CTBP1: variants seen among roughly 807,000 people sequenced by gnomAD.
CTBP1 encodes the protein C-terminal-binding protein 1.
A neutral mutation model predicts 42.1 loss-of-function variants in CTBP1; 11 were observed. That is an observed-to-expected ratio of 0.26 (90% CI 0.16 to 0.43). The LOEUF (loss-of-function observed/expected upper bound fraction) is 0.43, where lower values mean the gene tolerates loss of function less well. CTBP1 is among the 20% of genes least tolerant of loss of function. CTBP1 has a pLI of 1.00. For synonymous variants in CTBP1, 324 were observed against 277.1 expected (o/e 1.17, Z -1.68); for missense variants, 399 against 624.3 (o/e 0.64, Z 3.85).
chr4:1,212,888 G>A (rs1485282378), intron 9 of CTBP1, 25 bp downstream of exon 9: 18 of 1,599,838 alleles, frequency 1.1e-5, no homozygotes, highest in Non-Finnish European at 1.5e-5. Flanking sequence ...CCTGGAGGCT[G>A]TTCTGGGCCA....
chr4:1,241,356 C>A lies in CTBP1; in HGVS notation c.-25G>T. The A allele has an allele frequency of 1.0e-6, 1 of 994,778 alleles. No individual in the cohort carries two copies. Among genetic ancestry groups the A allele is most frequent in the Non-Finnish European group, 1.6e-6 (1 of 613,612 alleles). The allele number at this position is 994,778 out of a possible 1,614,324, so 61.6% of individuals were successfully genotyped here. ...TCTCTTAATATGGGCTCAGCTTCCA[C>A]GACCATGAATTCGACTTTTCAAAGC... On this transcript the variant is annotated 5_prime_UTR_variant, in exon 2 of 10. Transcript: ENST00000382952.
chr4:1,228,111 C>T, intron 4 of CTBP1, 88 bp downstream of exon 4: 1 of 1,533,912 alleles, frequency 6.5e-7, no homozygotes. Flanking sequence ...ACGGGGTCCT[C>T]AGTGTGGCAG....
chr4:1,228,384 G>C, intron 3 of CTBP1, 41 bp from the exon 4 acceptor site: 1 of 1,600,010 alleles, frequency 6.2e-7, no homozygotes, highest in Non-Finnish European at 8.5e-7. Context: ...GGAACCTGAA[G>C]ACCCTCGGGC....
intron 1 of CTBP1, 139 bp from the exon 2 acceptor site, chr4:1,241,658 CG>C: frequency 2.3e-6 from 3 of 1,315,696 alleles, no homozygotes; most frequent in Non-Finnish European, 3.0e-6. Context: ...TACCTGGACT[CG>C]GGGGCCTGCT....
rs2108695703 is a variant in CTBP1, at chr4:1,212,357, G to A, written c.1173C>T (p.Pro391=). The A allele has an allele frequency of 6.6e-7, 1 of 1,513,028 alleles. No homozygotes were observed. 93.7% of individuals were successfully genotyped at this position (1,513,028 alleles called of 1,614,324 possible). A position where few individuals can be genotyped will look rare whatever the true frequency, so the allele number is the denominator to read the frequency against. ...GIPAAVEGIV[P]SAMSLSHGLP... ...GGCCGTGGGACAGGGACATGGCGCT[G>A]GGGACGATACCTTCCACAGCAGCTG... Residue 391 remains proline, a synonymous_variant, in exon 10 of 10, where the codon CCC becomes CCT. Coordinates refer to ENST00000382952, the MANE Select transcript of CTBP1 (RefSeq NM_001012614.2).
chr4:1,221,178 G>A (rs1729695703), intron 5 of CTBP1, among the ~76,000 whole-genome samples: 1 of 152,254 alleles, frequency 6.6e-6, no homozygotes, highest in Admixed American at 6.5e-5. Flanking sequence ...GAGGTGCTCC[G>A]AGTGGCCAAG....
chr4:1,239,533 G>A (rs944682867), intron 2 of CTBP1, among the ~76,000 whole-genome samples: 2 of 152,244 alleles, frequency 1.3e-5, no homozygotes, highest in Admixed American at 6.5e-5. Flanking sequence ...GCCTGCAGGT[G>A]AGCAGAGGCC....
rs1037894042 is a variant in CTBP1, at chr4:1,233,964, G to A, written c.162+4219C>T. Among the ~76,000 whole-genome samples, 2 of 152,220 alleles carry A rather than the reference G, an allele frequency of 1.3e-5. No homozygotes were observed. Among genetic ancestry groups the A allele is most frequent in the Non-Finnish European group, 2.9e-5 (2 of 68,050 alleles). ...CACGAGGGTCCCTGCCTCCTGCCTTGTTGCTCCACGGTTCCCAGCACGTGG... is the reference window on the plus strand; with the variant it reads ...CACGAGGGTCCCTGCCTCCTGCCTTATTGCTCCACGGTTCCCAGCACGTGG... On this transcript the variant is annotated intron_variant, in intron 3 of 9. Coordinates refer to ENST00000382952, the MANE Select transcript of CTBP1 (RefSeq NM_001012614.2). The surrounding 1 kb of genome is among the most constrained non-coding windows in gnomAD (Gnocchi z 4.6).
At chr4:1,224,906 T>G (rs1730160643) in intron 5 of CTBP1, among the ~76,000 whole-genome samples, 1 of 151,856 alleles carries the variant, frequency 6.6e-6, no homozygotes, top group African/African-American at 2.4e-5. Context: ...TACTGTGACA[T>G]CGGTGTGTGA....
chr4:1,248,952 C>G lies in CTBP1; in HGVS notation c.-225G>C. On this transcript the variant is annotated 5_prime_UTR_variant, in exon 1 of 10. Transcript: ENST00000382952. ...CCCTTGTTGAGCAAGTGCGAGCTGC[C>G]CATCGAGAGGCGCGAGCGGCCGCGG... 1 of 1,007,624 alleles carries G rather than the reference C, an allele frequency of 9.9e-7. No individual in the cohort carries two copies. Among genetic ancestry groups the G allele is most frequent in the Non-Finnish European group, 1.2e-6 (1 of 839,674 alleles). 62.4% of individuals were successfully genotyped at this position (1,007,624 alleles called of 1,614,324 possible). A position where few individuals can be genotyped will look rare whatever the true frequency, so the allele number is the denominator to read the frequency against.
chr4:1,244,972 A>G (rs1304445621), intron 1 of CTBP1: 4 of 985,318 alleles, frequency 4.1e-6, no homozygotes, highest in African/African-American at 1.7e-5. Flanking sequence ...CCTGCCCTGC[A>G]ATGGCAGAGA....
intron 5 of CTBP1, chr4:1,223,627 T>G: frequency 1.0e-5 from 4 of 392,312 alleles, no homozygotes; most frequent in South Asian, 7.2e-5. Context: ...GACAGGCAGC[T>G]GGGCCAAGGT....
At chr4:1,224,439 C>G (rs2108745843) in intron 5 of CTBP1, among the ~76,000 whole-genome samples, 1 of 150,352 alleles carries the variant, frequency 6.7e-6, no homozygotes, top group African/African-American at 2.5e-5. Context: ...ACTGTGACAT[C>G]TGTGTGTTAT....
At chr4:1,219,316 C>T (rs1397231395) in intron 5 of CTBP1, among the ~76,000 whole-genome samples, 2 of 152,224 alleles carry the variant, frequency 1.3e-5, no homozygotes, top group Admixed American at 6.5e-5. Flanking sequence ...CGCACCACCA[C>T]ACTCCAGCCC....
chr4:1,230,783 C>T, intron 3 of CTBP1, among the ~76,000 whole-genome samples: 1 of 152,238 alleles, frequency 6.6e-6, no homozygotes, highest in East Asian at 1.9e-4. Flanking sequence ...ATCCGCGCAG[C>T]CTTAAGGTTG....
At chr4:1,239,972 G>A (rs1474572598) in intron 2 of CTBP1, among the ~76,000 whole-genome samples, 1 of 152,236 alleles carries the variant, frequency 6.6e-6, no homozygotes, top group East Asian at 1.9e-4. Context: ...TGTGTGTGGT[G>A]GTGATGACTT....
At chr4:1,248,129 T>C (rs1381166700) in intron 1 of CTBP1, among the ~76,000 whole-genome samples, 6 of 151,862 alleles carry the variant, frequency 4.0e-5, no homozygotes, top group Admixed American at 6.5e-5. Flanking sequence ...CGCTGCAAGA[T>C]GGCGATGGTG....
chr4:1,223,317 G>A (rs1240530006), intron 5 of CTBP1: 2 of 401,164 alleles, frequency 5.0e-6, no homozygotes, highest in Non-Finnish European at 1.0e-5. Flanking sequence ...GCTCCAGCCA[G>A]CCCTGGGGTC....
rs368495133 is a variant in CTBP1, at chr4:1,223,972, G to A, written c.514+1388C>T. On this transcript the variant is annotated intron_variant, in intron 5 of 9. Coordinates refer to ENST00000382952, the MANE Select transcript of CTBP1 (RefSeq NM_001012614.2). ...GCGAGTGGGCAAATGAAGAGCGAGGGGTCGCTGAAAGGCAAACCACTCCCC... is the reference window on the plus strand; with the variant it reads ...GCGAGTGGGCAAATGAAGAGCGAGGAGTCGCTGAAAGGCAAACCACTCCCC... 4.0e-4 allele frequency among the ~76,000 whole-genome samples: 61 copies of A among 152,294 alleles called. 2 individuals are homozygous for A. Among genetic ancestry groups the A allele is most frequent in the African/African-American group, 1.4e-3 (57 of 41,544 alleles).
Sources: gnomAD v4.1 joint callset for allele counts (sites outside exome capture counted in the v4.1 genomes callset) on GRCh38, gnomAD v4.1.1 for gene constraint, Gnocchi (gnomAD v3.1) non-coding constraint, MANE v1.5 for transcripts, NCBI Gene and HGNC (gene_info 2026-07-23, HGNC 2026-07-21) for gene names.